Variants in MGST1 observed in about 807,000 individuals in gnomAD.
MGST1 encodes glutathione S-transferase 12.
Under a neutral mutation model 8.9 loss-of-function variants are expected in MGST1, and 5 were observed. The ratio of observed to expected loss-of-function variants is 0.56; its 90% confidence interval spans 0.29 to 1.19. MGST1 has a LOEUF of 1.19. Among genes scored for constraint, MGST1 ranks in the 50% most tolerant of loss-of-function variants. The pLI is 0.08. For missense variants in MGST1, 182 were observed against 187.4 expected, an observed-to-expected ratio of 0.97 and a Z score of 0.17; for synonymous variants, 54 against 67.8, an observed-to-expected ratio of 0.80 and a Z score of 1.00.
chr12:16,551,085 T>G (rs1941971242), intron 4 of MGST1: 1 of 592,436 alleles, frequency 1.7e-6, no homozygotes, highest in Admixed American at 2.8e-5. Flanking sequence ...CAGTCCGCCT[T>G]TTATTCCATA....
At chr12:16,494,538 A>G (rs1397010517) in intron 4 of MGST1, among the ~76,000 whole-genome samples, 1 of 152,156 alleles carries the variant, frequency 6.6e-6, no homozygotes, top group Non-Finnish European at 1.5e-5. Context: ...GATATTGACA[A>G]CATTGACAAA....
At chr12:16,577,346 A>C (rs1307099053) in intron 4 of MGST1, among the ~76,000 whole-genome samples, 1 of 152,168 alleles carries the variant, frequency 6.6e-6, no homozygotes, top group Non-Finnish European at 1.5e-5. Flanking sequence ...CAATTCTTCC[A>C]TGAAGGCCTC....
chr12:16,557,829 C>T (rs941010373), intron 4 of MGST1, among the ~76,000 whole-genome samples: 4 of 151,986 alleles, frequency 2.6e-5, no homozygotes, highest in African/African-American at 9.7e-5. Context: ...TACTCAAGAT[C>T]ACACAGTTAA....
In MGST1 at chr12:16,413,002, T is replaced by C. The variant is rs1565449429; in HGVS notation, n.779-24386T>C. Among the ~76,000 whole-genome samples, 1 of 152,166 alleles carries C rather than the reference T, an allele frequency of 6.6e-6. No homozygotes were observed. Among genetic ancestry groups the C allele is most frequent in the Non-Finnish European group, 1.5e-5 (1 of 68,028 alleles). On this transcript the variant is annotated intron_variant and non_coding_transcript_variant, in intron 1 of 1. Coordinates refer to the MGST1 transcript ENST00000359720. This position sits in a 1 kb window ranked among gnomAD's most constrained non-coding sequence, Gnocchi z 4.0. Reference sequence around the variant, plus strand: ...GAAGCAGAACATAGATAATATGTCATAATAATAAGCCAGAAAGAGAGTAGG... The same window carrying C: ...GAAGCAGAACATAGATAATATGTCACAATAATAAGCCAGAAAGAGAGTAGG...
chr12:16,402,217 A>C (rs1323432791), intron 1 of MGST1: 14 of 1,587,346 alleles, frequency 8.8e-6, no homozygotes, highest in African/African-American at 1.3e-5. Context: ...TTGTCATCAC[A>C]AAAGACCATG....
At chr12:16,489,767 C>T (rs1007910525) in intron 4 of MGST1, among the ~76,000 whole-genome samples, 1 of 152,168 alleles carries the variant, frequency 6.6e-6, no homozygotes, top group Non-Finnish European at 1.5e-5. Flanking sequence ...TCCTTCCTCT[C>T]TTGATAAAGA....
At chr12:16,554,446 T>C (rs974160217) in intron 4 of MGST1, among the ~76,000 whole-genome samples, 2 of 152,292 alleles carry the variant, frequency 1.3e-5, no homozygotes, top group East Asian at 1.9e-4. Flanking sequence ...GAGATTTCTA[T>C]ACTATACTGT....
intron 1 of MGST1, among the ~76,000 whole-genome samples, chr12:16,394,496 T>TTGTC (rs1940583443): frequency 1.7e-5 from 1 of 60,086 alleles, no homozygotes; most frequent in Admixed American, 1.8e-4. Context: ...CTTTCTTTCT[T>TTGTC]TCTCTCTCTT....
chr12:16,369,796 C>T lies in MGST1; in HGVS notation c.222-6326C>T, dbSNP rs1940260361. 1 of 152,180 alleles carries T rather than the reference C, an allele frequency of 6.6e-6. No individual in the cohort carries two copies. The highest frequency in any genetic ancestry group is 2.4e-5 in the African/African-American group (1 of 41,422). 9.4% of individuals were successfully genotyped at this position (152,180 alleles called of 1,614,324 possible). On this transcript the variant is annotated intron_variant, in intron 3 of 3. Coordinates refer to the MGST1 transcript ENST00000535309. This position sits in a 1 kb window ranked among gnomAD's most constrained non-coding sequence, Gnocchi z 4.8. ...GGTTAGCCTGACTGTGCTATCACAG[C>T]ATAGGAGCAAGACAGGAAATGGAAC...
rs1344342142 is a variant in MGST1, at chr12:16,582,817, T to G, written n.483-6711T>G. On this transcript the variant is annotated intron_variant and non_coding_transcript_variant, in intron 4 of 4. Transcript: ENST00000538857. The surrounding 1 kb of genome is among the most constrained non-coding windows in gnomAD (Gnocchi z 4.1). ...AATCCCAGCACTTTGGGAGGCCAAA[T>G]TGAGTGGATCACCTGAGGTCAGGAG... Among the ~76,000 whole-genome samples the G allele has an allele frequency of 6.6e-6, 1 of 151,916 alleles. No homozygotes were observed. The highest frequency in any genetic ancestry group is 1.5e-5 in the Non-Finnish European group (1 of 67,950).
chr12:16,473,975 T>A lies in MGST1; in HGVS notation n.482+90371T>A, dbSNP rs185086419. On this transcript the variant is annotated intron_variant and non_coding_transcript_variant, in intron 4 of 4. Transcript: ENST00000538857. The stretch of plus-strand genomic sequence containing the variant: ...TAAGTAGCACTCTTTGTCATCTTAT[T>A]TCTATAGGGAATTTGCTTGTGTCCC... 2.6e-3 allele frequency among the ~76,000 whole-genome samples: 401 copies of A among 152,346 alleles called. 3 individuals carry two copies. Among genetic ancestry groups the A allele is most frequent in the African/African-American group, 9.4e-3 (392 of 41,564 alleles).
At chr12:16,359,463 C>A (rs1000593247) in intron 3 of MGST1, among the ~76,000 whole-genome samples, 19 of 152,234 alleles carry the variant, frequency 1.2e-4, no homozygotes, top group African/African-American at 4.6e-4. Flanking sequence ...CTTCTTAATT[C>A]AGCAGCCCTG....
At chr12:16,491,377 A>C (rs921846714) in intron 4 of MGST1, among the ~76,000 whole-genome samples, 4 of 152,172 alleles carry the variant, frequency 2.6e-5, no homozygotes, top group African/African-American at 9.6e-5. Context: ...GCCACAGCCT[A>C]ATGGCCGAGA....
chr12:16,380,483 TTTGA>T, downstream of MGST1, among the ~76,000 whole-genome samples: 1 of 152,166 alleles, frequency 6.6e-6, no homozygotes, highest in Non-Finnish European at 1.5e-5. Flanking sequence ...TGAGTTCTAG[TTTGA>T]TTGCACTGGG....
At chr12:16,471,952 T>A (rs1342722098) in intron 4 of MGST1, among the ~76,000 whole-genome samples, 5 of 152,030 alleles carry the variant, frequency 3.3e-5, no homozygotes, top group Non-Finnish European at 5.9e-5. Flanking sequence ...GACACCAATG[T>A]ATGCACACAT....
At chr12:16,394,570 CTTTCT>C (rs1284803411) in intron 1 of MGST1, among the ~76,000 whole-genome samples, 12,167 of 67,498 alleles carry the variant, frequency 0.18, 945 homozygotes, top group Non-Finnish European at 0.23. Flanking sequence ...TTCTTTCTTT[CTTTCT>C]TCTCTCTGTC....
At position 16,369,881 on chromosome 12, in the gene MGST1, G is replaced by T. The variant is rs563876229; in HGVS notation, c.222-6241G>T. 6.6e-6 allele frequency: 1 copy of T among 152,362 alleles called. No individual in the cohort carries two copies. The highest frequency in any genetic ancestry group is 2.4e-5 in the African/African-American group (1 of 41,568). 9.4% of individuals were successfully genotyped at this position (152,362 alleles called of 1,614,324 possible). On this transcript the variant is annotated intron_variant, in intron 3 of 3. Coordinates refer to the MGST1 transcript ENST00000535309. The surrounding 1 kb of genome is among the most constrained non-coding windows in gnomAD (Gnocchi z 4.8). ...ACATCCACCAACATGCCCTTGGCCA[G>T]AGAAAGTCACAGGGCTGGCCTCAGA...
chr12:16,569,111 C>T (rs1244444611), intron 4 of MGST1, among the ~76,000 whole-genome samples: 1 of 152,124 alleles, frequency 6.6e-6, no homozygotes, highest in African/African-American at 2.4e-5. Flanking sequence ...ATGAAGACAG[C>T]AACAACAATA....
intron 4 of MGST1, among the ~76,000 whole-genome samples, chr12:16,469,535 C>T (rs1941279512): frequency 6.6e-6 from 1 of 152,162 alleles, no homozygotes; most frequent in African/African-American, 2.4e-5. Flanking sequence ...CACAGATCCA[C>T]TGGTTGTCTT....
Sources: gnomAD v4.1 joint callset for allele counts (sites outside exome capture counted in the v4.1 genomes callset) on GRCh38, gnomAD v4.1.1 for gene constraint, Gnocchi (gnomAD v3.1) non-coding constraint, MANE v1.5 for transcripts, NCBI Gene and HGNC (gene_info 2026-07-23, HGNC 2026-07-21) for gene names.